The following GAGE10 variants were observed in gnomAD, a reference collection of about 807,000 sequenced individuals.
The protein encoded by GAGE10 is G antigen 10.
In GAGE10, 9 loss-of-function variants were observed where a neutral mutation model predicts 11.5. The observed-to-expected ratio is 0.78, with a 90% CI of 0.47 to 1.37. The LOEUF is 1.37. GAGE10 is among the 40% of genes most tolerant of loss of function. The probability of loss-of-function intolerance (pLI) is 0.00; values close to 1 mark genes in which losing one functional copy is unlikely to be tolerated. For missense variants in GAGE10, 83 were observed against 92.9 expected, an observed-to-expected ratio of 0.89 and a Z score of 0.44; for synonymous variants, 23 against 29.7, an observed-to-expected ratio of 0.77 and a Z score of 0.73.
chrX:49,306,621 C>G (rs2066357971), intron 3 of GAGE10, among the ~76,000 whole-genome samples: 1 of 111,507 alleles, frequency 9.0e-6, no homozygotes, highest in Admixed American at 9.5e-5. Flanking sequence ...AGCTGATGCA[C>G]ACTGCTCTCG....
intron 3 of GAGE10, among the ~76,000 whole-genome samples, chrX:49,313,247 A>G (rs1557124899): frequency 8.9e-6 from 1 of 112,044 alleles, no homozygotes; most frequent in African/African-American, 3.2e-5. Flanking sequence ...CACACAGCCT[A>G]CTCACCACAG....
At chrX:49,311,941 A>T (rs2066377303) in intron 3 of GAGE10, among the ~76,000 whole-genome samples, 1 of 112,674 alleles carries the variant, frequency 8.9e-6, no homozygotes, top group East Asian at 2.8e-4. Context: ...AATGGAGCAA[A>T]GAGGACATCG....
chrX:49,305,775 T>C (rs2869208), intron 3 of GAGE10, among the ~76,000 whole-genome samples: 2 of 111,638 alleles, frequency 1.8e-5, no homozygotes, highest in African/African-American at 3.3e-5. Flanking sequence ...ATGGAGGCGC[T>C]GGGATTGTGT....
chrX:49,308,401 T>C (rs4824755), intron 3 of GAGE10, among the ~76,000 whole-genome samples: 48,818 of 110,865 alleles, frequency 0.44, 9,054 homozygotes, highest in Non-Finnish European at 0.59. Context: ...GGATGGAGAC[T>C]GGCTCTCCCG....
rs782095605 is a variant in GAGE10 at position 49,304,718 on chromosome X, A to G, written c.-8-134A>G. The G allele has an allele frequency of 7.1e-3, 2,696 of 382,067 alleles. 39 individuals carry two copies. The highest frequency in any genetic ancestry group is 0.055 in the African/African-American group (2,324 of 42,611). The allele number at this position is 382,067 out of a possible 1,213,427, so 31.5% of individuals were successfully genotyped here. On this transcript the variant is annotated intron_variant, in intron 1 of 4. Transcript: ENST00000407599. ...GTAGGCACTCAGAAAAGGTACACAC[A>G]TATGCTTAACTCTGGGACTTATTTT...
chrX:49,317,163 G>A lies in GAGE10; in HGVS notation c.203G>A (p.Gly68Glu). 1 of 1,200,539 alleles carries A rather than the reference G, an allele frequency of 8.3e-7. No homozygotes were observed. The highest frequency in any genetic ancestry group is 1.1e-6 in the Non-Finnish European group (1 of 888,706). The change falls in exon 4 of 5, where the codon GGG becomes GAG. Residue 68 changes from glycine to glutamate, a missense_variant and splice_region_variant. Gly to Glu is a moderately conservative substitution (Grantham distance 98). Around this residue, in one of 3 missense-constraint regions of GAGE10, gnomAD observed 66 missense variants for 35.4 expected, o/e 1.87. Coordinates refer to ENST00000407599, the MANE Select transcript of GAGE10 (RefSeq NM_001098413.4). ...TTGATATGTATTTTTTATTTTTAAT[G>A]GCCGAAGCCTGAAGCTGATAGCCAG... ...GEDEGASAGQ[G>E]PKPEADSQEQ...
At chrX:49,316,767 T>A (rs1557125285) in intron 3 of GAGE10, among the ~76,000 whole-genome samples, 1 of 111,999 alleles carries the variant, frequency 8.9e-6, no homozygotes, top group Non-Finnish European at 1.9e-5. Flanking sequence ...CATGTCTTTT[T>A]TAAAGACCTT....
At chrX:49,303,920 G>C (rs1448630257) in intron 1 of GAGE10, among the ~76,000 whole-genome samples, 167 bp downstream of exon 1, 2 of 112,093 alleles carry the variant, frequency 1.8e-5, no homozygotes, top group Middle Eastern at 4.6e-3. Context: ...CTCTGAAAGA[G>C]AAGGGCCTTG....
At chrX:49,311,281 G>A (rs1252418281) in intron 3 of GAGE10, among the ~76,000 whole-genome samples, 1 of 112,295 alleles carries the variant, frequency 8.9e-6, no homozygotes, top group African/African-American at 3.2e-5. Flanking sequence ...GGATTATAGT[G>A]AAATGCAAGT....
intron 4 of GAGE10, among the ~76,000 whole-genome samples, chrX:49,318,915 A>G (rs1239624470): frequency 2.6e-5 from 3 of 114,668 alleles, no homozygotes; most frequent in Non-Finnish European, 5.6e-5. Context: ...TTAGGGCTGC[A>G]TAGTATTCCA....
intron 3 of GAGE10, among the ~76,000 whole-genome samples, chrX:49,315,841 C>T (rs1260949580): frequency 9.0e-6 from 1 of 111,584 alleles, no homozygotes; most frequent in Admixed American, 9.5e-5. Flanking sequence ...TTGGCATCTG[C>T]CTCATCCTCC....
At chrX:49,307,535 G>A (rs782172327) in intron 3 of GAGE10, among the ~76,000 whole-genome samples, 111 of 108,664 alleles carry the variant, frequency 1.0e-3, no homozygotes, top group Non-Finnish European at 1.7e-3. Flanking sequence ...TTGGAGTGCA[G>A]TAGTGCAATC....
At chrX:49,317,652 C>A (rs1224043115) in intron 4 of GAGE10, among the ~76,000 whole-genome samples, 1 of 109,908 alleles carries the variant, frequency 9.1e-6, no homozygotes, top group East Asian at 2.8e-4. Context: ...GCGACCAAGG[C>A]ATTATATTTT....
chrX:49,307,158 A>G lies in GAGE10; in HGVS notation c.202+1634A>G, dbSNP rs193070873. ...CTATACTTTTCACCTAGATTCACCA[A>G]TTGTTAATAGCTTTCGCTTCATAGG... On this transcript the variant is annotated intron_variant, in intron 3 of 4. Coordinates refer to ENST00000407599, the MANE Select transcript of GAGE10 (RefSeq NM_001098413.4). Among the ~76,000 whole-genome samples the G allele has an allele frequency of 3.0e-3, 338 of 111,750 alleles. 2 individuals carry two copies. Among genetic ancestry groups the G allele is most frequent in the Non-Finnish European group, 4.9e-3 (260 of 53,151 alleles).
At chrX:49,317,313 A>G in intron 4 of GAGE10, 25 bp downstream of exon 4, 1 of 1,187,072 alleles carries the variant, frequency 8.4e-7, no homozygotes, top group African/African-American at 1.8e-5. Flanking sequence ...AGGCATGCAC[A>G]TTGTAGGGTG....
At position 49,317,225 on chromosome X, in the gene GAGE10, G is replaced by C. The variant is rs782708184; in HGVS notation, c.265G>C (p.Asp89His). Reference protein sequence around the residue: ...VHPKTGCECGDGPDGQEMGLP... With the variant: ...VHPKTGCECGHGPDGQEMGLP... ...CCCAAAGACTGGGTGTGAGTGTGGA[G>C]ATGGTCCTGATGGCCAGGAGATGGG... The change falls in exon 4 of 5, where the codon GAT becomes CAT. Residue 89 changes from aspartate (D) to histidine (H), a missense_variant. Physicochemically the swap from Asp to His is moderately conservative, Grantham distance 81. Coordinates refer to ENST00000407599, the MANE Select transcript of GAGE10 (RefSeq NM_001098413.4). 5 of 1,207,373 alleles carry C rather than the reference G, an allele frequency of 4.1e-6. No homozygotes were observed. In the South Asian group the frequency reaches 7.0e-5, roughly 17 times the overall value.
At chrX:49,310,159 C>T (rs373332035) in intron 3 of GAGE10, among the ~76,000 whole-genome samples, 1 of 111,904 alleles carries the variant, frequency 8.9e-6, no homozygotes, top group African/African-American at 3.3e-5. Context: ...ATGGTGAATA[C>T]AACATTTGTA....
chrX:49,317,473 G>A lies in GAGE10; in HGVS notation c.328+185G>A, dbSNP rs1172613827. 8.1e-5 allele frequency among the ~76,000 whole-genome samples: 9 copies of A among 111,526 alleles called. No individual in the cohort carries two copies. In the East Asian group the frequency reaches 1.9e-3, roughly 24 times the overall value. On this transcript the variant is annotated intron_variant, in intron 4 of 4. Transcript: ENST00000407599. ...AGTGATTCTCCTGTATGAGCCTCTC[G>A]CGGAGCTGGGCTTATGGACATACAC...
intron 3 of GAGE10, among the ~76,000 whole-genome samples, chrX:49,310,846 G>A (rs2066374427): frequency 1.8e-5 from 2 of 111,624 alleles, no homozygotes; most frequent in East Asian, 5.6e-4. Flanking sequence ...TGTATTATTA[G>A]GGGACAAGAA....
Sources: allele counts gnomAD v4.1 joint callset (sites outside exome capture counted in the v4.1 genomes callset), GRCh38; gene constraint gnomAD v4.1.1; regional missense constraint gnomAD v4.1.1; transcripts MANE v1.5; gene names NCBI Gene and HGNC (gene_info 2026-07-23, HGNC 2026-07-21).